DIXDC1: variants seen among roughly 807,000 people sequenced by gnomAD.
DIXDC1 encodes dixin.
A neutral mutation model predicts 103.1 loss-of-function variants in DIXDC1; 64 were observed. The ratio of observed to expected loss-of-function variants is 0.62; its 90% CI spans 0.51 to 0.76. The LOEUF (loss-of-function observed/expected upper bound fraction) is 0.76, where lower values mean the gene tolerates loss of function less well. Among genes scored for constraint, DIXDC1 ranks in the 30% least tolerant of loss-of-function variants. The pLI is 0.00. For missense variants in DIXDC1, 759 were observed against 834.2 expected (o/e 0.91, Z 1.11); for synonymous variants, 266 against 298.5 (o/e 0.89, Z 1.12).
At chr11:111,929,184 C>CA (rs1244068516) in intron 1 of DIXDC1, among the ~76,000 whole-genome samples, 1 of 151,530 alleles carries the variant, frequency 6.6e-6, no homozygotes, top group Non-Finnish European at 1.5e-5. Context: ...GTCCCCCCAA[C>CA]AAAAAAAAGA....
In DIXDC1 at chr11:112,020,139, G is replaced by A. The variant is rs904366281; in HGVS notation, c.*1103G>A. ...GATCATTCTGGGTAAAAAAAACCTA[G>A]AATCATTTCTGATGTGCAACATTGT... On this transcript the variant is annotated 3_prime_UTR_variant, in exon 20 of 20. Transcript: ENST00000440460. 3.3e-5 allele frequency: 5 copies of A among 152,332 alleles called. No homozygotes were observed. Among genetic ancestry groups the A allele is most frequent in the Non-Finnish European group, 7.4e-5 (5 of 68,026 alleles). The allele number at this position is 152,332 out of a possible 1,614,324, so 9.4% of individuals were successfully genotyped here.
intron 1 of DIXDC1, among the ~76,000 whole-genome samples, chr11:111,957,109 G>A (rs587745513): frequency 6.6e-6 from 1 of 152,276 alleles, no homozygotes; most frequent in South Asian, 2.1e-4. Context: ...GGAAGTTAAA[G>A]CACAGTGAGC....
chr11:111,967,375 G>T (rs1859772895), intron 2 of DIXDC1, among the ~76,000 whole-genome samples: 1 of 152,170 alleles, frequency 6.6e-6, no homozygotes, highest in Non-Finnish European at 1.5e-5. Flanking sequence ...ACAGTTAGAA[G>T]GTGTCCTTAA....
At chr11:111,985,470 C>T in intron 8 of DIXDC1, 149 bp downstream of exon 8, 1 of 648,864 alleles carries the variant, frequency 1.5e-6, no homozygotes, top group Admixed American at 3.1e-5. Context: ...TTGTTTCCTT[C>T]TTCATTCATT....
intron 10 of DIXDC1, among the ~76,000 whole-genome samples, chr11:111,990,762 A>G (rs587754430): frequency 2.8e-4 from 42 of 152,166 alleles, no homozygotes; most frequent in African/African-American, 1.0e-3. Context: ...GCTGGAGTGC[A>G]ATGGTATGAT....
Position 111,993,569 on chromosome 11 carries a change from C to G in DIXDC1, c.1346C>G (p.Ser449Cys), listed in dbSNP as rs782736037. Residue 449 changes from serine (S) to cysteine (C), a missense_variant, in exon 13 of 20, where the codon TCT becomes TGT. By Grantham distance (112) the Ser-to-Cys change is moderately radical. Transcript: ENST00000440460. ...AKLEEALRKL[S>C]DVSYHQVDLE... Reference sequence around the variant, plus strand: ...TTAGAAGAAGCACTCCGGAAACTCTCTGATGTCAGTTACCACCAGGTCAGA... The same window carrying G: ...TTAGAAGAAGCACTCCGGAAACTCTGTGATGTCAGTTACCACCAGGTCAGA... 1.3e-5 allele frequency: 21 copies of G among 1,613,920 alleles called. No individual in the cohort carries two copies. The highest frequency in any genetic ancestry group is 1.7e-5 in the Non-Finnish European group (20 of 1,179,910).
intron 17 of DIXDC1, among the ~76,000 whole-genome samples, chr11:112,008,171 C>T (rs1555176827): frequency 6.7e-6 from 1 of 149,846 alleles, no homozygotes; most frequent in African/African-American, 2.5e-5. Context: ...TGAAATCCTA[C>T]TCTCTGATAA....
At position 111,937,493 on chromosome 11, in the gene DIXDC1, A is replaced by T; in HGVS notation, c.-7A>T. ...AGACCCCGCCCGGGGAGCCCCCAGC[A>T]GGAACAATGCTAGCCTGCCTGACCC... On this transcript the variant is annotated 5_prime_UTR_variant, in exon 1 of 20. Coordinates refer to ENST00000440460, the MANE Select transcript of DIXDC1 (RefSeq NM_001037954.4). 2 of 1,582,256 alleles carry T rather than the reference A, an allele frequency of 1.3e-6. No individual in the cohort carries two copies. Among genetic ancestry groups the T allele is most frequent in the Non-Finnish European group, 1.7e-6 (2 of 1,164,692 alleles).
Position 111,977,753 on chromosome 11 carries a change from C to T in DIXDC1, c.656+2770C>T, listed in dbSNP as rs781937808. On this transcript the variant is annotated intron_variant, in intron 5 of 19. Coordinates refer to ENST00000440460, the MANE Select transcript of DIXDC1 (RefSeq NM_001037954.4). The surrounding 1 kb of genome is among the most constrained non-coding windows in gnomAD (Gnocchi z 6.1). ...CCCGGGGACGCAGGCTTGCTGAAGC[C>T]CGAGACAGGAGGGGGACCATGGGAG... 80 of 1,564,096 alleles carry T rather than the reference C, an allele frequency of 5.1e-5. No homozygotes were observed. The highest frequency in any genetic ancestry group is 6.8e-5 in the Non-Finnish European group (79 of 1,154,604).
intron 16 of DIXDC1, 124 bp from the exon 17 acceptor site, chr11:111,995,956 T>G (rs1860885676): frequency 2.4e-6 from 2 of 837,028 alleles, no homozygotes; most frequent in African/African-American, 1.7e-5. Flanking sequence ...ATATTAGATT[T>G]TATATGTTGT....
Position 111,977,835 on chromosome 11 carries a change from G to A in DIXDC1, c.656+2852G>A, listed in dbSNP as rs1555172843. 14 of 1,538,768 alleles carry A rather than the reference G, an allele frequency of 9.1e-6. No homozygotes were observed. Among genetic ancestry groups the A allele is most frequent in the Non-Finnish European group, 1.1e-5 (13 of 1,141,130 alleles). On this transcript the variant is annotated intron_variant, in intron 5 of 19. Coordinates refer to ENST00000440460, the MANE Select transcript of DIXDC1 (RefSeq NM_001037954.4). The surrounding 1 kb of genome is among the most constrained non-coding windows in gnomAD (Gnocchi z 6.1). The stretch of plus-strand genomic sequence containing the variant: ...TCTGGCTTTGGAAGTGGGGGGCCTG[G>A]GTGGGAACAGGGGCAGGGCTGGAGG...
At position 111,986,936 on chromosome 11, in the gene DIXDC1, C is replaced by A; in HGVS notation, c.1062+12C>A. 6.4e-7 allele frequency: 1 copy of A among 1,564,518 alleles called. No homozygotes were observed. The highest frequency in any genetic ancestry group is 1.2e-5 in the South Asian group (1 of 85,386). On this transcript the variant is annotated intron_variant, in intron 9 of 19. Coordinates refer to ENST00000440460, the MANE Select transcript of DIXDC1 (RefSeq NM_001037954.4). The stretch of plus-strand genomic sequence containing the variant: ...ATCAGGACTTAAAGGTATGTCAAGA[C>A]ATGTACATTTTACCCCTTAAAAACA...
chr11:111,993,401 C>A, intron 12 of DIXDC1, 95 bp from the exon 13 acceptor site: 1 of 1,337,978 alleles, frequency 7.5e-7, no homozygotes, highest in Non-Finnish European at 1.1e-6. Context: ...TTTCCTGAGG[C>A]TCTACTTTAC....
At chr11:111,941,397 A>C (rs868944139) in intron 1 of DIXDC1, among the ~76,000 whole-genome samples, 16 of 152,278 alleles carry the variant, frequency 1.1e-4, no homozygotes, top group Middle Eastern at 3.4e-3. Flanking sequence ...ACAGGAAATC[A>C]CTTGTCCGAA....
rs1052112104 is a variant in DIXDC1 at position 111,977,879 on chromosome 11, A to T, written c.657-2858A>T. The T allele has an allele frequency of 4.8e-6, 7 of 1,456,034 alleles. No homozygotes were observed. In the East Asian group the frequency reaches 2.0e-4, roughly 41 times the overall value. The allele number at this position is 1,456,034 out of a possible 1,614,324, so 90.2% of individuals were successfully genotyped here. On this transcript the variant is annotated intron_variant, in intron 5 of 19. Coordinates refer to ENST00000440460, the MANE Select transcript of DIXDC1 (RefSeq NM_001037954.4). This position sits in a 1 kb window ranked among gnomAD's most constrained non-coding sequence, Gnocchi z 6.1. ...CTGGAGGATGCTGTTGGCCGGAGAC[A>T]GGCGGGGTGGTGGGAGCATTATGTT... is the stretch of plus-strand genomic sequence containing the variant.
intron 1 of DIXDC1, among the ~76,000 whole-genome samples, chr11:111,951,365 C>T (rs1377361179): frequency 1.3e-5 from 2 of 152,036 alleles, no homozygotes; most frequent in Non-Finnish European, 1.5e-5. Flanking sequence ...TAAATTATTT[C>T]AGAGCATTGA....
intron 17 of DIXDC1, 43 bp downstream of exon 17, chr11:111,996,189 G>C: frequency 6.5e-7 from 1 of 1,544,668 alleles, no homozygotes; most frequent in Non-Finnish European, 8.8e-7. Context: ...TAGCATATTA[G>C]ACCAGAAATT....
chr11:111,996,819 C>T (rs587716570), intron 17 of DIXDC1, among the ~76,000 whole-genome samples: 2 of 152,330 alleles, frequency 1.3e-5, no homozygotes, highest in South Asian at 4.1e-4. Context: ...CATTGCACTC[C>T]AGCGTGGGTG....
chr11:111,997,430 G>C (rs1378566372), intron 17 of DIXDC1, among the ~76,000 whole-genome samples: 2 of 152,008 alleles, frequency 1.3e-5, no homozygotes, highest in East Asian at 3.8e-4. Context: ...CTGTCTCCCG[G>C]GTTCAAGCAA....
Sources: allele counts gnomAD v4.1 joint callset (sites outside exome capture counted in the v4.1 genomes callset), GRCh38; gene constraint gnomAD v4.1.1; non-coding constraint Gnocchi (gnomAD v3.1); transcripts MANE v1.5; gene names NCBI Gene and HGNC (gene_info 2026-07-23, HGNC 2026-07-21).